UBN2: variants seen among roughly 807,000 people sequenced by gnomAD.
UBN2 encodes ubinuclein-2.
In UBN2, 35 loss-of-function variants were observed where a neutral mutation model predicts 120.2. The ratio of observed to expected loss-of-function variants is 0.29; its 90% CI spans 0.22 to 0.39. The LOEUF (loss-of-function observed/expected upper bound fraction) is 0.39. Among genes scored for constraint, UBN2 ranks in the 10% least tolerant of loss-of-function variants. The pLI, the probability that UBN2 is intolerant of heterozygous loss-of-function variation, is 1.00. For synonymous variants in UBN2, 661 were observed against 648.7 expected, an observed-to-expected ratio of 1.02 and a Z score of -0.29; for missense variants, 1,693 against 1,663.2, an observed-to-expected ratio of 1.02 and a Z score of -0.31.
At chr7:139,318,056 A>G in the UBN2 span, among the ~76,000 whole-genome samples, 6 of 152,062 alleles carry the variant, frequency 3.9e-5, no homozygotes, top group Non-Finnish European at 1.5e-5. Context: ...GTTCCTCATT[A>G]TCATCCTCTT....
chr7:139,324,570 A>AAAG, the UBN2 span, among the ~76,000 whole-genome samples: 7 of 148,522 alleles, frequency 4.7e-5, no homozygotes, highest in East Asian at 2.0e-4. Flanking sequence ...AAAAAAAAAA[A>AAAG]AAAAAGAAAA....
At chr7:139,239,540 T>C (rs1796255946) in intron 2 of UBN2, among the ~76,000 whole-genome samples, 1 of 150,414 alleles carries the variant, frequency 6.6e-6, no homozygotes, top group South Asian at 2.1e-4. Context: ...TCCATCACTA[T>C]ATTAGAGTGT....
intron 15 of UBN2, among the ~76,000 whole-genome samples, chr7:139,287,022 G>A (rs569455619): frequency 1.1e-3 from 164 of 151,708 alleles, no homozygotes; most frequent in Non-Finnish European, 2.0e-3. Context: ...ACTTTCATCA[G>A]AAATAAAATA....
At chr7:139,329,523 C>G in the UBN2 span, among the ~76,000 whole-genome samples, 1 of 152,112 alleles carries the variant, frequency 6.6e-6, no homozygotes, top group South Asian at 2.1e-4. Context: ...TTGAGCCCCA[C>G]TGGCCTGACA....
rs748012463 is a variant in UBN2 at position 139,283,822 on chromosome 7, A to G, written c.2917A>G (p.Thr973Ala). 10 of 1,614,106 alleles carry G rather than the reference A, an allele frequency of 6.2e-6. No homozygotes were observed. The highest frequency in any genetic ancestry group is 8.5e-6 in the Non-Finnish European group (10 of 1,180,026). Residue 973 changes from threonine (T) to alanine (A), a missense_variant, in exon 15 of 18, where the codon ACT (threonine) becomes GCT (alanine). Physicochemically the swap from Thr to Ala is moderately conservative, Grantham distance 58 (BLOSUM62 0). Around this residue, in one of 5 missense-constraint regions of UBN2, gnomAD observed 837 missense variants for 817.6 expected, o/e 1.02. Coordinates refer to ENST00000473989, the MANE Select transcript of UBN2 (RefSeq NM_173569.4). The stretch of plus-strand genomic sequence containing the variant: ...CTCCTGTTCCTCCTCACTTATTAAG[A>G]CTTCAGATAAGCCACTTATGTACCG... ...QLSCSSSLIKTSDKPLMYRLP... is the reference protein window; with the variant it reads ...QLSCSSSLIKASDKPLMYRLP...
intron 2 of UBN2, among the ~76,000 whole-genome samples, chr7:139,237,424 G>A (rs1796194562): frequency 6.6e-6 from 1 of 152,068 alleles, no homozygotes; most frequent in African/African-American, 2.4e-5. Flanking sequence ...AGCCTCCCAA[G>A]TAGCTGTGAC....
chr7:139,238,623 T>C (rs928874134), intron 2 of UBN2, among the ~76,000 whole-genome samples: 1 of 152,150 alleles, frequency 6.6e-6, no homozygotes, highest in Non-Finnish European at 1.5e-5. Context: ...GGTTTCACCA[T>C]GTTGGCCCGG....
At position 139,305,049 on chromosome 7, in the gene UBN2, T is replaced by A. The variant is rs1018678963; in HGVS notation, c.*7213T>A. 1 of 152,182 alleles carries A rather than the reference T, an allele frequency of 6.6e-6. No individual in the cohort carries two copies. The highest frequency in any genetic ancestry group is 1.5e-5 in the Non-Finnish European group (1 of 68,028). The allele number at this position is 152,182 out of a possible 1,614,324, so 9.4% of individuals were successfully genotyped here. On this transcript the variant is annotated 3_prime_UTR_variant, in exon 18 of 18. Coordinates refer to ENST00000473989, the MANE Select transcript of UBN2 (RefSeq NM_173569.4). The stretch of plus-strand genomic sequence containing the variant: ...TGCTTTCACTGGTGCAAAGCTGTAG[T>A]TAGTATCATGGAATGTCTTTGGGTT...
At chr7:139,272,149 TCC>T (rs916048636) in intron 8 of UBN2, among the ~76,000 whole-genome samples, 171 bp from the exon 9 acceptor site, 4 of 152,244 alleles carry the variant, frequency 2.6e-5, no homozygotes, top group African/African-American at 9.6e-5. Context: ...TAATTTTGTA[TCC>T]AGTGTGTCTT....
In UBN2 at chr7:139,272,319, T is replaced by C; in HGVS notation, c.1597-3T>C. ...AAAACTTCTAGTATGTTTTTCTTTT[T>C]AGGATGATCGTTTAAGAGAACCTCT... On this transcript the variant is annotated splice_polypyrimidine_tract_variant and splice_region_variant and intron_variant, in intron 8 of 17. Coordinates refer to ENST00000473989, the MANE Select transcript of UBN2 (RefSeq NM_173569.4). 6.2e-7 allele frequency: 1 copy of C among 1,605,056 alleles called. No individual in the cohort carries two copies. Among genetic ancestry groups the C allele is most frequent in the Non-Finnish European group, 8.5e-7 (1 of 1,176,384 alleles).
chr7:139,267,032 A>G (rs1243829798), intron 7 of UBN2, among the ~76,000 whole-genome samples: 1 of 152,228 alleles, frequency 6.6e-6, no homozygotes, highest in Non-Finnish European at 1.5e-5. Flanking sequence ...ATGAAGCTGT[A>G]GGTTCTAAGG....
rs547439100 is a variant in UBN2, at chr7:139,301,191, A to G, written c.*3355A>G. ...GAAGGTAAGGGGAAGAACCGGGCAC[A>G]TATGTGTTGGAATACTGTGGGTTTG... is the stretch of plus-strand genomic sequence containing the variant. On this transcript the variant is annotated 3_prime_UTR_variant, in exon 18 of 18. Transcript: ENST00000473989. The G allele has an allele frequency of 6.6e-6, 1 of 152,160 alleles. No homozygotes were observed. 9.4% of individuals were successfully genotyped at this position (152,160 alleles called of 1,614,324 possible). A position where few individuals can be genotyped will look rare whatever the true frequency, so the allele number is the denominator to read the frequency against.
Position 139,231,586 on chromosome 7 carries a change from G to C in UBN2, c.102G>C (p.Glu34Asp), listed in dbSNP as rs770339052. 1.9e-4 allele frequency: 268 copies of C among 1,392,224 alleles called. 6 individuals carry two copies. The South Asian group carries it at 3.8e-3, about 20-fold the overall frequency. The allele number at this position is 1,392,224 out of a possible 1,614,324, so 86.2% of individuals were successfully genotyped here. A position where few individuals can be genotyped will look rare whatever the true frequency, so the allele number is the denominator to read the frequency against. The change falls in exon 1 of 18, where the codon GAG becomes GAC. Residue 34 changes from glutamate to aspartate, a missense_variant. Glu to Asp is a conservative substitution (Grantham distance 45). This residue lies in a region of UBN2 where 663 missense variants were observed against 591.2 expected (regional missense o/e 1.12). Transcript: ENST00000473989. ...GPEREPEYPREPPRLEPQPYR... is the reference protein window; with the variant it reads ...GPEREPEYPRDPPRLEPQPYR... ...AGCGTGAGCCCGAGTACCCCCGCGA[G>C]CCCCCCCGGCTGGAGCCGCAGCCGT...
At chr7:139,252,670 C>G (rs888638149) in intron 3 of UBN2, among the ~76,000 whole-genome samples, 1 of 152,126 alleles carries the variant, frequency 6.6e-6, no homozygotes, top group Non-Finnish European at 1.5e-5. Flanking sequence ...CTGCTCCTTT[C>G]CAGTTCCTGA....
At chr7:139,293,659 A>G (rs1798028341) in intron 16 of UBN2, 196 bp downstream of exon 16, 1 of 643,338 alleles carries the variant, frequency 1.6e-6, no homozygotes, top group South Asian at 2.1e-5. Context: ...TTTTTAAGCT[A>G]TCTATACCAC....
chr7:139,329,186 ATTTT>A, the UBN2 span, among the ~76,000 whole-genome samples: 1 of 134,784 alleles, frequency 7.4e-6, no homozygotes, highest in Admixed American at 7.6e-5. Context: ...TGAGCAAAAG[ATTTT>A]TTTTTTTTTT....
At chr7:139,285,486 C>T (rs1257442839) in intron 15 of UBN2, among the ~76,000 whole-genome samples, 1 of 152,196 alleles carries the variant, frequency 6.6e-6, no homozygotes, top group South Asian at 2.1e-4. Context: ...ACTCCACTGA[C>T]TCTTGCTTAG....
chr7:139,319,790 C>T, the UBN2 span, among the ~76,000 whole-genome samples: 1 of 152,112 alleles, frequency 6.6e-6, no homozygotes, highest in Non-Finnish European at 1.5e-5. Flanking sequence ...TTTCACCCAA[C>T]ACTCAGGCGG....
chr7:139,274,677 G>A (rs1171031889), intron 11 of UBN2, among the ~76,000 whole-genome samples: 3 of 151,634 alleles, frequency 2.0e-5, no homozygotes, highest in South Asian at 2.1e-4. Context: ...CAGGAGAATC[G>A]CTTGAACCCC....
Sources: gnomAD v4.1 joint callset for allele counts (sites outside exome capture counted in the v4.1 genomes callset) on GRCh38, gnomAD v4.1.1 for gene constraint, gnomAD v4.1.1 regional missense constraint, MANE v1.5 for transcripts, NCBI Gene and HGNC (gene_info 2026-07-23, HGNC 2026-07-21) for gene names.